Variants in C3orf20 observed in about 807,000 individuals in gnomAD.
The protein encoded by C3orf20 is uncharacterized protein C3orf20.
Under a neutral mutation model 88.3 loss-of-function variants are expected in C3orf20, and 76 were observed. The ratio of observed to expected loss-of-function variants is 0.86; its 90% CI spans 0.72 to 1.04. C3orf20 has a LOEUF of 1.04. Ranked by LOEUF, C3orf20 falls within the 50% of genes least tolerant of loss-of-function variation. The probability of loss-of-function intolerance (pLI) is 0.00; values close to 1 mark genes in which losing one functional copy is unlikely to be tolerated. For missense variants in C3orf20, 1,056 were observed against 1,123.3 expected (o/e 0.94, Z 0.86); for synonymous variants, 436 against 437.4 (o/e 1.00, Z 0.04).
intron 12 of C3orf20, among the ~76,000 whole-genome samples, chr3:14,730,596 G>A (rs748703294): frequency 1.3e-5 from 2 of 152,170 alleles, no homozygotes; most frequent in Non-Finnish European, 2.9e-5. Flanking sequence ...CAGAAAGTAT[G>A]CATTCTATGT....
intron 2 of C3orf20, 86 bp from the exon 3 acceptor site, chr3:14,682,492 G>A: frequency 1.7e-6 from 1 of 584,112 alleles, no homozygotes; most frequent in Non-Finnish European, 3.0e-6. Context: ...CTCTGATGGT[G>A]TCTCTGGGTA....
chr3:14,694,418 G>T (rs2032877374), intron 5 of C3orf20, among the ~76,000 whole-genome samples: 1 of 152,042 alleles, frequency 6.6e-6, no homozygotes. Context: ...AGTTTTGATA[G>T]GTTGTATGTG....
At chr3:14,686,250 A>G (rs142988440) in intron 4 of C3orf20, among the ~76,000 whole-genome samples, 193 of 151,064 alleles carry the variant, frequency 1.3e-3, no homozygotes, top group African/African-American at 4.4e-3. Flanking sequence ...ATGAACATTT[A>G]GGTTGTTTCC....
At chr3:14,719,916 T>C (rs1369543142) in intron 9 of C3orf20, among the ~76,000 whole-genome samples, 2 of 152,248 alleles carry the variant, frequency 1.3e-5, no homozygotes, top group Non-Finnish European at 2.9e-5. Context: ...GATTTGACCC[T>C]TGCTCAACTG....
intron 9 of C3orf20, among the ~76,000 whole-genome samples, chr3:14,718,530 T>C (rs547325202): frequency 8.5e-5 from 13 of 152,364 alleles, no homozygotes; most frequent in African/African-American, 3.1e-4. Context: ...CTGGGTCTTA[T>C]CAGACTGAGT....
chr3:14,697,747 C>T (rs2033073832), intron 5 of C3orf20, among the ~76,000 whole-genome samples: 2 of 117,810 alleles, frequency 1.7e-5, no homozygotes, highest in South Asian at 3.1e-4. Flanking sequence ...TGTGATGTTC[C>T]CCCCTCTGTG....
chr3:14,738,502 G>A (rs1389677132), intron 12 of C3orf20, among the ~76,000 whole-genome samples: 4 of 150,836 alleles, frequency 2.7e-5, no homozygotes, highest in Admixed American at 6.6e-5. Context: ...CTAATTTTTT[G>A]TATTTTTTTT....
chr3:14,699,198 C>G (rs976666177), intron 5 of C3orf20, among the ~76,000 whole-genome samples: 4 of 152,146 alleles, frequency 2.6e-5, no homozygotes, highest in African/African-American at 7.2e-5. Context: ...ATCTGAGAGC[C>G]AAGGCCTGGA....
In C3orf20 at chr3:14,684,402, C is replaced by A; in HGVS notation, c.625+20C>A. Reference sequence around the variant, plus strand: ...GGAAAGGTGGGTACCTGAGCTTCAACCCTTAGGTAAGAAGTGCAAACAATA... The same window carrying A: ...GGAAAGGTGGGTACCTGAGCTTCAAACCTTAGGTAAGAAGTGCAAACAATA... On this transcript the variant is annotated intron_variant, in intron 4 of 16. Transcript: ENST00000253697. 2 of 1,611,300 alleles carry A rather than the reference C, an allele frequency of 1.2e-6. No homozygotes were observed. Among genetic ancestry groups the A allele is most frequent in the Non-Finnish European group, 1.7e-6 (2 of 1,178,714 alleles).
At chr3:14,726,863 G>A (rs1559423915) in intron 10 of C3orf20, 38 bp from the exon 11 acceptor site, 2 of 1,612,826 alleles carry the variant, frequency 1.2e-6, no homozygotes. Flanking sequence ...CTCTTTGAGG[G>A]GATGGTGACA....
chr3:14,760,608 T>TC (rs772579045), intron 14 of C3orf20, among the ~76,000 whole-genome samples: 1 of 18,064 alleles, frequency 5.5e-5, no homozygotes, highest in Admixed American at 6.3e-4. Context: ...TCTGTCTTCT[T>TC]TTTTTTTTTT....
chr3:14,719,274 G>T (rs2467475), intron 9 of C3orf20, among the ~76,000 whole-genome samples: 63,636 of 151,934 alleles, frequency 0.42, 13,537 homozygotes, highest in Middle Eastern at 0.46. Flanking sequence ...ATTTTTGGTT[G>T]ACTGGAGAGA....
At chr3:14,722,724 A>G (rs577829397) in intron 10 of C3orf20, among the ~76,000 whole-genome samples, 2 of 152,290 alleles carry the variant, frequency 1.3e-5, no homozygotes, top group African/African-American at 4.8e-5. Flanking sequence ...GACTACTTCA[A>G]ATTAAATCTT....
chr3:14,757,695 G>T, intron 13 of C3orf20, 21 bp downstream of exon 13: 1 of 1,595,592 alleles, frequency 6.3e-7, no homozygotes, highest in South Asian at 1.1e-5. Flanking sequence ...GCCCAGTGAG[G>T]AGGCCCTGGA....
chr3:14,740,097 C>A (rs1005878637), intron 12 of C3orf20, among the ~76,000 whole-genome samples: 1 of 152,214 alleles, frequency 6.6e-6, no homozygotes, highest in Non-Finnish European at 1.5e-5. Context: ...CACAACTTGG[C>A]TGACTGGCAC....
chr3:14,677,603 C>T (rs1419429452), intron 1 of C3orf20, among the ~76,000 whole-genome samples: 1 of 152,080 alleles, frequency 6.6e-6, no homozygotes, highest in Non-Finnish European at 1.5e-5. Flanking sequence ...CGGGTTCAGG[C>T]GATTCTCCTG....
At position 14,768,585 on chromosome 3, in the gene C3orf20, A is replaced by G. The variant is rs1035332447; in HGVS notation, c.2496-3482A>G. 2.6e-5 allele frequency among the ~76,000 whole-genome samples: 4 copies of G among 152,006 alleles called. No individual in the cohort carries two copies. The highest frequency in any genetic ancestry group is 9.7e-5 in the African/African-American group (4 of 41,322). On this transcript the variant is annotated intron_variant, in intron 15 of 16. Transcript: ENST00000253697. This position sits in a 1 kb window ranked among gnomAD's most constrained non-coding sequence, Gnocchi z 4.1. ...GGACTGGGTTGGGGCTAAGCAGGGT[A>G]TCATGAGCTTGTCACAGCAGCAGAC...
At chr3:14,729,923 A>C (rs1381287377) in intron 12 of C3orf20, among the ~76,000 whole-genome samples, 2 of 152,266 alleles carry the variant, frequency 1.3e-5, no homozygotes, top group African/African-American at 4.8e-5. Context: ...TATAAAATGC[A>C]TACAGAAAAA....
rs529641754 is a variant in C3orf20, at chr3:14,772,997, G to A, written c.*122G>A. The stretch of plus-strand genomic sequence containing the variant: ...CTCCAAGCTTCTATAATAAACCAGC[G>A]GGCCTCCAGCATTGGGGTGAGGCTC... On this transcript the variant is annotated 3_prime_UTR_variant, in exon 17 of 17. Coordinates refer to ENST00000253697, the MANE Select transcript of C3orf20 (RefSeq NM_032137.5). The surrounding 1 kb of genome is among the most constrained non-coding windows in gnomAD (Gnocchi z 4.2). 222 of 733,738 alleles carry A rather than the reference G, an allele frequency of 3.0e-4. No individual in the cohort carries two copies. In the Middle Eastern group the frequency reaches 4.1e-3, roughly 14 times the overall value. The allele number at this position is 733,738 out of a possible 1,614,324, so 45.5% of individuals were successfully genotyped here. A position where few individuals can be genotyped will look rare whatever the true frequency, so the allele number is the denominator to read the frequency against.
Sources: allele counts gnomAD v4.1 joint callset (sites outside exome capture counted in the v4.1 genomes callset), GRCh38; gene constraint gnomAD v4.1.1; non-coding constraint Gnocchi (gnomAD v3.1); transcripts MANE v1.5; gene names NCBI Gene and HGNC (gene_info 2026-07-23, HGNC 2026-07-21).